The following PCSK5 variants were observed in gnomAD, a reference collection of about 807,000 sequenced individuals.
The protein encoded by PCSK5 is proprotein convertase subtilisin/kexin type 5.
PCSK5 carries 129 observed loss-of-function variants against 233.2 expected under a neutral mutation model. The ratio of observed to expected loss-of-function variants is 0.55; its 90% CI spans 0.48 to 0.64. The LOEUF (loss-of-function observed/expected upper bound fraction) is 0.64, where lower values mean the gene tolerates loss of function less well. PCSK5 is among the 30% of genes least tolerant of loss of function. The pLI is 0.00. For missense variants in PCSK5, 2,076 were observed against 2,430.1 expected (o/e 0.85, Z 3.06); for synonymous variants, 825 against 879.2 (o/e 0.94, Z 1.09).
intron 1 of PCSK5, among the ~76,000 whole-genome samples, chr9:75,894,601 G>C (rs1328970176): frequency 1.3e-5 from 2 of 152,160 alleles, no homozygotes; most frequent in African/African-American, 4.8e-5. Context: ...GTTAGTTGTT[G>C]TCATGTTAGC....
chr9:76,175,753 T>A (rs981245354), intron 14 of PCSK5, among the ~76,000 whole-genome samples: 2 of 151,678 alleles, frequency 1.3e-5, no homozygotes, highest in Admixed American at 1.3e-4. Context: ...CAGAAAAAAA[T>A]AAAGAGAAAA....
At chr9:76,358,341 A>C (rs1265419115) in intron 37 of PCSK5, among the ~76,000 whole-genome samples, 172 bp from the exon 38 acceptor site, 1 of 151,940 alleles carries the variant, frequency 6.6e-6, no homozygotes, top group Non-Finnish European at 1.5e-5. Context: ...TGCTGTCTCT[A>C]CAAAAAAATT....
chr9:75,979,532 A>G (rs767150448), intron 2 of PCSK5, among the ~76,000 whole-genome samples: 3 of 152,160 alleles, frequency 2.0e-5, no homozygotes, highest in Non-Finnish European at 4.4e-5. Context: ...CCATGATTTG[A>G]GTGAGCTTCT....
intron 1 of PCSK5, among the ~76,000 whole-genome samples, chr9:75,908,564 A>G (rs1822511904): frequency 6.6e-6 from 1 of 151,912 alleles, no homozygotes; most frequent in South Asian, 2.1e-4. Flanking sequence ...TAATGTTCTC[A>G]ACATCATTCA....
At position 75,960,148 on chromosome 9, in the gene PCSK5, C is replaced by T. The variant is rs1327865491; in HGVS notation, c.298-25984C>T. Among the ~76,000 whole-genome samples the T allele has an allele frequency of 3.9e-5, 6 of 152,198 alleles. No individual in the cohort carries two copies. The East Asian group carries it at 5.8e-4, about 15-fold the overall frequency. ...AGAGTGAAGGAGATTGAAGAAGCAA[C>T]GTAGAATAGATTTTAGGTCTTTTTT... On this transcript the variant is annotated intron_variant, in intron 2 of 37. Coordinates refer to ENST00000674117, the MANE Select transcript of PCSK5 (RefSeq NM_001372043.1).
At chr9:76,315,928 G>GT (rs71499141) in intron 30 of PCSK5, among the ~76,000 whole-genome samples, 12,303 of 91,232 alleles carry the variant, frequency 0.13, 311 homozygotes, top group Non-Finnish European at 0.16. Context: ...CACTTCAAGG[G>GT]TTTTTTTTTT....
At chr9:76,036,113 T>TTATG (rs1282220691) in intron 5 of PCSK5, among the ~76,000 whole-genome samples, 4 of 152,236 alleles carry the variant, frequency 2.6e-5, no homozygotes, top group Non-Finnish European at 5.9e-5. Flanking sequence ...GCTATTCATA[T>TTATG]CATACAGCTT....
intron 2 of PCSK5, among the ~76,000 whole-genome samples, chr9:75,983,979 C>T (rs990068412): frequency 2.6e-5 from 4 of 151,960 alleles, no homozygotes; most frequent in African/African-American, 9.7e-5. Flanking sequence ...TGGTATTTGA[C>T]ACTAAAAAAA....
chr9:75,987,297 C>G lies in PCSK5; in HGVS notation c.411+1052C>G, dbSNP rs533629800. Reference sequence around the variant, plus strand: ...TGGAAGGCCTTTCCTGTGTTCCTATCTTTTGTCATTTTCCCTCCTCTGGTC... The same window carrying G: ...TGGAAGGCCTTTCCTGTGTTCCTATGTTTTGTCATTTTCCCTCCTCTGGTC... On this transcript the variant is annotated intron_variant, in intron 3 of 37. Transcript: ENST00000674117. Among the ~76,000 whole-genome samples, 182 of 152,272 alleles carry G rather than the reference C, an allele frequency of 1.2e-3. 1 individual carries two copies. Among genetic ancestry groups the G allele is most frequent in the Non-Finnish European group, 1.2e-3 (79 of 68,010 alleles).
At chr9:76,229,136 A>C (rs1343879327) in intron 21 of PCSK5, among the ~76,000 whole-genome samples, 1 of 152,250 alleles carries the variant, frequency 6.6e-6, no homozygotes, top group African/African-American at 2.4e-5. Context: ...GTGTCTCTTT[A>C]AAATAACTAT....
chr9:76,099,368 A>G (rs752960848), intron 8 of PCSK5, among the ~76,000 whole-genome samples: 1 of 152,106 alleles, frequency 6.6e-6, no homozygotes, highest in Non-Finnish European at 1.5e-5. Context: ...ATAATAAAAG[A>G]CTGAGTTAAG....
At chr9:76,158,899 G>T in intron 11 of PCSK5, 84 bp from the exon 12 acceptor site, 1 of 1,099,828 alleles carries the variant, frequency 9.1e-7, no homozygotes, top group Non-Finnish European at 1.4e-6. Flanking sequence ...ATCTTACATT[G>T]TGTATTTATT....
intron 5 of PCSK5, among the ~76,000 whole-genome samples, chr9:76,038,905 T>A (rs1323229624): frequency 6.6e-6 from 1 of 152,214 alleles, no homozygotes; most frequent in African/African-American, 2.4e-5. Flanking sequence ...GGTTGATTTT[T>A]ATATCAAATT....
At chr9:76,160,532 T>C (rs1481370970) in intron 12 of PCSK5, among the ~76,000 whole-genome samples, 1 of 152,142 alleles carries the variant, frequency 6.6e-6, no homozygotes, top group African/African-American at 2.4e-5. Context: ...TATATAGACA[T>C]AGCCACTTGT....
intron 24 of PCSK5, among the ~76,000 whole-genome samples, chr9:76,254,979 G>A (rs1434637955): frequency 1.3e-5 from 2 of 152,178 alleles, no homozygotes; most frequent in Non-Finnish European, 2.9e-5. Context: ...TGAGGTGTGG[G>A]CATCAGTATT....
At chr9:75,953,711 C>G (rs370734855) in intron 2 of PCSK5, among the ~76,000 whole-genome samples, 3 of 151,736 alleles carry the variant, frequency 2.0e-5, no homozygotes, top group Admixed American at 2.0e-4. Context: ...AGCAAAATAT[C>G]GTATTTGCTT....
intron 1 of PCSK5, among the ~76,000 whole-genome samples, chr9:75,892,797 CTT>C (rs1279945184): frequency 1.3e-5 from 2 of 152,182 alleles, no homozygotes; most frequent in Non-Finnish European, 2.9e-5. Context: ...AGATCTTGCT[CTT>C]TGCCCGCCCA....
At chr9:76,322,998 G>T in intron 31 of PCSK5, 54 bp from the exon 32 acceptor site, 1 of 978,388 alleles carries the variant, frequency 1.0e-6, no homozygotes, top group East Asian at 2.6e-5. Context: ...TGCAGACAAT[G>T]AATTCCTTTC....
chr9:76,038,500 A>G (rs75925275), intron 5 of PCSK5, among the ~76,000 whole-genome samples: 2,591 of 152,300 alleles, frequency 0.017, 70 homozygotes, highest in African/African-American at 0.055. Flanking sequence ...AAGAATGACA[A>G]ATCCCTTTAA....
Sources: gnomAD v4.1 joint callset for allele counts (sites outside exome capture counted in the v4.1 genomes callset) on GRCh38, gnomAD v4.1.1 for gene constraint, MANE v1.5 for transcripts, NCBI Gene and HGNC (gene_info 2026-07-23, HGNC 2026-07-21) for gene names.